SLC25A13: variants seen among roughly 807,000 people sequenced by gnomAD.
SLC25A13 encodes the protein solute carrier family 25 member 13.
SLC25A13 carries 70 observed loss-of-function variants against 85.5 expected under a neutral mutation model. The observed-to-expected ratio is 0.82, with a 90% CI of 0.68 to 1.00. The LOEUF is 1.00. Ranked by LOEUF, SLC25A13 falls within the 50% of genes least tolerant of loss-of-function variation. The pLI, the probability that SLC25A13 is intolerant of heterozygous loss-of-function variation, is 0.00. For synonymous variants in SLC25A13, 259 were observed against 288.7 expected, an observed-to-expected ratio of 0.90 and a Z score of 1.04; for missense variants, 765 against 819.8, an observed-to-expected ratio of 0.93 and a Z score of 0.82.
intron 14 of SLC25A13, among the ~76,000 whole-genome samples, chr7:96,135,601 T>G (rs948823006): frequency 6.6e-6 from 1 of 152,236 alleles, no homozygotes; most frequent in East Asian, 1.9e-4. Context: ...CATTCTCCAG[T>G]ACTACAGCAA....
At chr7:96,134,446 C>T (rs1792177512) in intron 14 of SLC25A13, among the ~76,000 whole-genome samples, 1 of 151,696 alleles carries the variant, frequency 6.6e-6, no homozygotes, top group African/African-American at 2.4e-5. Context: ...AAAAAGGGGG[C>T]GAGGGGAGAA....
At chr7:96,182,626 A>T (rs1794462317) in intron 11 of SLC25A13, among the ~76,000 whole-genome samples, 1 of 152,236 alleles carries the variant, frequency 6.6e-6, no homozygotes, top group Non-Finnish European at 1.5e-5. Flanking sequence ...TGCATAGCCC[A>T]CATTAGCTCA....
At chr7:96,200,450 A>G (rs943960058) in intron 5 of SLC25A13, among the ~76,000 whole-genome samples, 4 of 152,204 alleles carry the variant, frequency 2.6e-5, no homozygotes, top group Non-Finnish European at 1.5e-5. Flanking sequence ...GAAGATCCAC[A>G]TATTTTTTAA....
At chr7:96,239,035 TTTTATA>T (rs1796857796) in intron 3 of SLC25A13, among the ~76,000 whole-genome samples, 1 of 67,892 alleles carries the variant, frequency 1.5e-5, no homozygotes, top group Admixed American at 2.3e-4. Context: ...TGACTATATA[TTTTATA>T]TATATATATA....
intron 15 of SLC25A13, among the ~76,000 whole-genome samples, chr7:96,124,577 T>G (rs1292492534): frequency 6.6e-6 from 1 of 152,244 alleles, no homozygotes; most frequent in Admixed American, 6.5e-5. Context: ...GCATTAATAT[T>G]GCTACTTGCT....
At chr7:96,134,790 A>ATT in intron 14 of SLC25A13, among the ~76,000 whole-genome samples, 1 of 68,196 alleles carries the variant, frequency 1.5e-5, no homozygotes, top group African/African-American at 7.6e-5. Flanking sequence ...CATACAAACA[A>ATT]TTTTATATAT....
chr7:96,302,689 A>C (rs1450574219), intron 1 of SLC25A13, among the ~76,000 whole-genome samples: 1 of 152,162 alleles, frequency 6.6e-6, no homozygotes, highest in African/African-American at 2.4e-5. Flanking sequence ...ATATAGAATA[A>C]AGTCTTTCAG....
intron 2 of SLC25A13, among the ~76,000 whole-genome samples, chr7:96,293,206 TG>T (rs1458178259): frequency 6.6e-6 from 1 of 152,186 alleles, no homozygotes; most frequent in Non-Finnish European, 1.5e-5. Flanking sequence ...CAAATGGTAC[TG>T]GGAAAACTGG....
chr7:96,242,498 G>T (rs1797032979), intron 3 of SLC25A13, among the ~76,000 whole-genome samples: 1 of 152,162 alleles, frequency 6.6e-6, no homozygotes, highest in South Asian at 2.1e-4. Context: ...TAACCTAAAA[G>T]ACTGTTTCTG....
chr7:96,169,869 C>G lies in SLC25A13; in HGVS notation c.1311+176G>C, dbSNP rs968299632. On this transcript the variant is annotated intron_variant, in intron 13 of 17. Transcript: ENST00000265631. ...AGGCAGTAAGGTCAGAAACATTTAC[C>G]CTTCCACCTCTGGAATGGTTCGCCT... 10 of 667,070 alleles carry G rather than the reference C, an allele frequency of 1.5e-5. No individual in the cohort carries two copies. In the African/African-American group the frequency reaches 1.8e-4, roughly 12 times the overall value. 41.3% of individuals were successfully genotyped at this position (667,070 alleles called of 1,614,324 possible). A position where few individuals can be genotyped will look rare whatever the true frequency, so the allele number is the denominator to read the frequency against.
intron 2 of SLC25A13, among the ~76,000 whole-genome samples, chr7:96,287,231 G>T (rs1252102190): frequency 6.6e-6 from 1 of 152,124 alleles, no homozygotes; most frequent in Non-Finnish European, 1.5e-5. Flanking sequence ...ATTTGGGTTG[G>T]TACCACACTA....
At chr7:96,160,556 C>G (rs1242830817) in intron 13 of SLC25A13, among the ~76,000 whole-genome samples, 2 of 152,196 alleles carry the variant, frequency 1.3e-5, no homozygotes, top group Non-Finnish European at 2.9e-5. Flanking sequence ...ATGCTGTCTT[C>G]TCACTGTGTC....
intron 4 of SLC25A13, among the ~76,000 whole-genome samples, chr7:96,222,468 A>G (rs1199544368): frequency 2.0e-4 from 30 of 152,144 alleles, no homozygotes. Flanking sequence ...TATTTTTGAG[A>G]CAGAATATTG....
At chr7:96,208,748 G>GC (rs905991502) in intron 5 of SLC25A13, 90 bp downstream of exon 5, 10 of 1,431,620 alleles carry the variant, frequency 7.0e-6, no homozygotes, top group Middle Eastern at 1.8e-4. Flanking sequence ...CTCGTCATCC[G>GC]CCCACCTCGG....
chr7:96,160,912 C>T (rs1027270599), intron 13 of SLC25A13, among the ~76,000 whole-genome samples: 1 of 151,962 alleles, frequency 6.6e-6, no homozygotes, highest in South Asian at 2.1e-4. Context: ...TTGAGAAAAC[C>T]GATGGAGCTG....
At position 96,169,824 on chromosome 7, in the gene SLC25A13, T is replaced by TTTAACAGGCATGAC. The variant is rs1241086419; in HGVS notation, c.1311+207_1311+220dup. The TTTAACAGGCATGAC allele has an allele frequency of 7.0e-6, 4 of 572,206 alleles. No homozygotes were observed. In the Admixed American group the frequency reaches 9.3e-5, roughly 13 times the overall value. 35.4% of individuals were successfully genotyped at this position (572,206 alleles called of 1,614,324 possible). A position where few individuals can be genotyped will look rare whatever the true frequency, so the allele number is the denominator to read the frequency against. On this transcript the variant is annotated intron_variant, in intron 13 of 17. Transcript: ENST00000265631. Reference sequence around the variant, plus strand: ...AGAACAAACCATAAGCAATGACGAATTTAACAGGCATGACTTAACAGGCAG... The same window carrying TTTAACAGGCATGAC: ...AGAACAAACCATAAGCAATGACGAATTTAACAGGCATGACTTAACAGGCATGACTTAACAGGCAG...
chr7:96,230,976 T>C (rs1796518854), intron 4 of SLC25A13, among the ~76,000 whole-genome samples: 1 of 152,058 alleles, frequency 6.6e-6, no homozygotes, highest in South Asian at 2.1e-4. Context: ...CCAGGCATGG[T>C]GGTGCATGCC....
chr7:96,247,263 TTAGA>T (rs1041431865), intron 3 of SLC25A13, among the ~76,000 whole-genome samples: 3 of 152,176 alleles, frequency 2.0e-5, no homozygotes, highest in Non-Finnish European at 2.9e-5. Context: ...AATATACTAC[TTAGA>T]TAGAGTCATT....
intron 13 of SLC25A13, among the ~76,000 whole-genome samples, chr7:96,151,039 G>A (rs918617702): frequency 2.6e-5 from 4 of 152,264 alleles, no homozygotes; most frequent in Non-Finnish European, 5.9e-5. Flanking sequence ...TCTCCTGGCT[G>A]GGAGGTGATT....
Sources: allele counts gnomAD v4.1 joint callset (sites outside exome capture counted in the v4.1 genomes callset), GRCh38; gene constraint gnomAD v4.1.1; transcripts MANE v1.5; gene names NCBI Gene and HGNC (gene_info 2026-07-23, HGNC 2026-07-21).